Variants in HIBADH observed in about 807,000 individuals in gnomAD.
HIBADH encodes 3-hydroxyisobutyrate dehydrogenase, also known as 3-hydroxyisobutyrate dehydrogenase, mitochondrial.
In HIBADH, 25 loss-of-function variants were observed where a neutral mutation model predicts 36.1. The ratio of observed to expected loss-of-function variants is 0.69; its 90% CI spans 0.50 to 0.97. The LOEUF is 0.97. Ranked by LOEUF, HIBADH falls within the 50% of genes least tolerant of loss-of-function variation. The pLI is 0.00. For missense variants in HIBADH, 421 were observed against 418.0 expected, an observed-to-expected ratio of 1.01 and a Z score of -0.06; for synonymous variants, 160 against 149.5, an observed-to-expected ratio of 1.07 and a Z score of -0.51.
chr7:27,658,210 A>T (rs1427137013), intron 1 of HIBADH, among the ~76,000 whole-genome samples: 1 of 152,158 alleles, frequency 6.6e-6, no homozygotes, highest in Non-Finnish European at 1.5e-5. Flanking sequence ...TGCCCTAAAA[A>T]CTCTCAAACC....
chr7:27,582,219 A>G (rs1195185750), intron 4 of HIBADH, among the ~76,000 whole-genome samples: 1 of 152,058 alleles, frequency 6.6e-6, no homozygotes, highest in Non-Finnish European at 1.5e-5. Context: ...TCTGAAATGC[A>G]AAAGAGTTTT....
At chr7:27,618,200 G>C (rs1020792671) in intron 4 of HIBADH, among the ~76,000 whole-genome samples, 2 of 152,180 alleles carry the variant, frequency 1.3e-5, no homozygotes, top group African/African-American at 4.8e-5. Flanking sequence ...GCTATCACCG[G>C]AGGCTGGGCC....
chr7:27,612,787 T>A (rs1394991218), intron 4 of HIBADH, among the ~76,000 whole-genome samples: 2 of 149,574 alleles, frequency 1.3e-5, no homozygotes, highest in Non-Finnish European at 3.0e-5. Context: ...AATTTAAAAA[T>A]TAGCTGGGCA....
chr7:27,636,341 T>G (rs1007522190), intron 2 of HIBADH, among the ~76,000 whole-genome samples: 4 of 152,266 alleles, frequency 2.6e-5, no homozygotes, highest in African/African-American at 9.6e-5. Flanking sequence ...TTTTAATCTT[T>G]AACAGTACTC....
chr7:27,586,290 A>G (rs1422790539), intron 4 of HIBADH, among the ~76,000 whole-genome samples: 1 of 151,758 alleles, frequency 6.6e-6, no homozygotes, highest in Non-Finnish European at 1.5e-5. Context: ...GGTTTTAAGA[A>G]TATTACAATA....
chr7:27,542,591 A>G (rs779989090), intron 5 of HIBADH, among the ~76,000 whole-genome samples: 5 of 151,864 alleles, frequency 3.3e-5, no homozygotes, highest in Non-Finnish European at 5.9e-5. Flanking sequence ...AGCTGTGACT[A>G]TAAGTGTGTG....
intron 6 of HIBADH, among the ~76,000 whole-genome samples, chr7:27,535,215 A>G (rs1228385593): frequency 6.6e-6 from 1 of 151,952 alleles, no homozygotes; most frequent in Non-Finnish European, 1.5e-5. Context: ...ATGTAAAACC[A>G]GACAGTATAG....
At chr7:27,599,327 T>C (rs1355877518) in intron 4 of HIBADH, among the ~76,000 whole-genome samples, 1 of 152,200 alleles carries the variant, frequency 6.6e-6, no homozygotes, top group Non-Finnish European at 1.5e-5. Flanking sequence ...CAGAGCCAAT[T>C]AGATCAATTT....
intron 4 of HIBADH, among the ~76,000 whole-genome samples, chr7:27,624,419 CTGA>C (rs2128293677): frequency 1.3e-5 from 2 of 152,282 alleles, no homozygotes; most frequent in Admixed American, 1.3e-4. Flanking sequence ...AGGTAGCACA[CTGA>C]TAATACAAGC....
At chr7:27,554,509 C>T (rs991891419) in intron 4 of HIBADH, among the ~76,000 whole-genome samples, 4 of 152,156 alleles carry the variant, frequency 2.6e-5, no homozygotes, top group Non-Finnish European at 4.4e-5. Context: ...CCAATTACCA[C>T]CAATACCACA....
intron 4 of HIBADH, among the ~76,000 whole-genome samples, chr7:27,577,630 C>T (rs1239448011): frequency 6.6e-6 from 1 of 152,086 alleles, no homozygotes; most frequent in Non-Finnish European, 1.5e-5. Context: ...TTCAGAAAGG[C>T]TCGCAATATA....
At chr7:27,601,544 G>C (rs1446638855) in intron 4 of HIBADH, among the ~76,000 whole-genome samples, 5 of 151,906 alleles carry the variant, frequency 3.3e-5, no homozygotes, top group Non-Finnish European at 7.4e-5. Context: ...ATTTTGTAAA[G>C]GTCAATTTTG....
At chr7:27,599,039 T>A (rs1003009740) in intron 4 of HIBADH, among the ~76,000 whole-genome samples, 13 of 151,752 alleles carry the variant, frequency 8.6e-5, no homozygotes, top group African/African-American at 1.2e-4. Context: ...TAATCATCTA[T>A]GTCAAATGCA....
intron 6 of HIBADH, among the ~76,000 whole-genome samples, chr7:27,535,466 T>C (rs1784058960): frequency 6.6e-6 from 1 of 152,158 alleles, no homozygotes; most frequent in Admixed American, 6.6e-5. Context: ...AATACAGTGG[T>C]TGCTGGAGGA....
intron 4 of HIBADH, among the ~76,000 whole-genome samples, chr7:27,621,631 A>G (rs1480813931): frequency 6.6e-6 from 1 of 152,034 alleles, no homozygotes; most frequent in Admixed American, 6.6e-5. Context: ...GTCTTTACTA[A>G]AAATACAAAA....
At chr7:27,635,567 A>T (rs1785824327) in intron 2 of HIBADH, among the ~76,000 whole-genome samples, 1 of 152,242 alleles carries the variant, frequency 6.6e-6, no homozygotes, top group African/African-American at 2.4e-5. Context: ...AGTAAAAAGG[A>T]AACTTAGACA....
chr7:27,630,188 T>C (rs1321487827), intron 3 of HIBADH, among the ~76,000 whole-genome samples: 1 of 152,202 alleles, frequency 6.6e-6, no homozygotes, highest in Non-Finnish European at 1.5e-5. Flanking sequence ...TATAATTTAT[T>C]TAAAGGGTAT....
chr7:27,629,329 A>C, intron 4 of HIBADH, 42 bp downstream of exon 4: 1 of 1,583,738 alleles, frequency 6.3e-7, no homozygotes, highest in Non-Finnish European at 8.6e-7. Flanking sequence ...GCTACTTTTG[A>C]CAAACATAAA....
chr7:27,607,519 A>C (rs1045465465), intron 4 of HIBADH, among the ~76,000 whole-genome samples: 4 of 152,118 alleles, frequency 2.6e-5, no homozygotes, highest in African/African-American at 7.2e-5. Context: ...AAAAAAAAAC[A>C]AAAAAAGTTT....
Sources: allele counts gnomAD v4.1 joint callset (sites outside exome capture counted in the v4.1 genomes callset), GRCh38; gene constraint gnomAD v4.1.1; transcripts MANE v1.5; gene names NCBI Gene and HGNC (gene_info 2026-07-23, HGNC 2026-07-21).